TMC7: variants seen among roughly 807,000 people sequenced by gnomAD.
TMC7 encodes transmembrane channel like 7, also known as transmembrane channel-like protein 7.
TMC7 carries 54 observed loss-of-function variants against 82.9 expected under a neutral mutation model. The observed-to-expected ratio is 0.65, with a 90% confidence interval of 0.52 to 0.82. TMC7 has a LOEUF of 0.82. Among genes scored for constraint, TMC7 ranks in the 40% least tolerant of loss-of-function variants. The pLI is 0.00. For missense variants in TMC7, 820 were observed against 901.2 expected (o/e 0.91, Z 1.15); for synonymous variants, 350 against 337.9 (o/e 1.04, Z -0.39).
chr16:19,009,680 C>T (rs1438902877), intron 2 of TMC7, among the ~76,000 whole-genome samples: 1 of 152,104 alleles, frequency 6.6e-6, no homozygotes, highest in African/African-American at 2.4e-5. Context: ...TGGCTCACGC[C>T]TGTAATCCCA....
intron 6 of TMC7, among the ~76,000 whole-genome samples, chr16:19,032,219 T>C (rs7204704): frequency 0.92 from 140,409 of 152,182 alleles, 65,212 homozygotes; most frequent in Non-Finnish European, 0.97. Context: ...CAGGGTGCTG[T>C]GGATTGATCT....
intron 2 of TMC7, among the ~76,000 whole-genome samples, chr16:19,014,574 C>T (rs1959578453): frequency 6.6e-6 from 1 of 152,206 alleles, no homozygotes; most frequent in South Asian, 2.1e-4. Flanking sequence ...GCAAATTCCT[C>T]ATGTTTCCTC....
chr16:19,060,321 T>C (rs1382726091), intron 15 of TMC7, among the ~76,000 whole-genome samples: 1 of 151,932 alleles, frequency 6.6e-6, no homozygotes, highest in African/African-American at 2.4e-5. Flanking sequence ...CCTCCCACCT[T>C]AGCCTCCCAA....
intron 7 of TMC7, among the ~76,000 whole-genome samples, chr16:19,037,216 C>T (rs922796606): frequency 6.6e-6 from 1 of 151,190 alleles, no homozygotes; most frequent in Non-Finnish European, 1.5e-5. Flanking sequence ...GGTGAAACCC[C>T]GTCTCTACTA....
chr16:18,992,877 T>C (rs371811332), intron 1 of TMC7, among the ~76,000 whole-genome samples: 4 of 152,202 alleles, frequency 2.6e-5, no homozygotes, highest in African/African-American at 9.6e-5. Flanking sequence ...TTTCTTGTTA[T>C]TGTTAGGTTT....
intron 1 of TMC7, among the ~76,000 whole-genome samples, chr16:19,005,742 C>T (rs2039228133): frequency 6.6e-6 from 1 of 152,162 alleles, no homozygotes; most frequent in Non-Finnish European, 1.5e-5. Flanking sequence ...AGGAGGGTAG[C>T]CTCCATGCAG....
Position 19,061,924 on chromosome 16 carries a change from G to C in TMC7, c.*81G>C. The C allele has an allele frequency of 2.6e-6, 3 of 1,153,868 alleles. 1 individual carries two copies. In the South Asian group the frequency reaches 4.6e-5, roughly 18 times the overall value. 71.5% of individuals were successfully genotyped at this position (1,153,868 alleles called of 1,614,324 possible). On this transcript the variant is annotated 3_prime_UTR_variant, in exon 16 of 16. Coordinates refer to ENST00000304381, the MANE Select transcript of TMC7 (RefSeq NM_024847.4). ...CTGCTGAGCCTACAGAGTCTACCTG[G>C]GTTTTGAGTGGACATTTAAAAATAT...
chr16:18,984,238 C>CGGCG, intron 1 of TMC7, 108 bp downstream of exon 1: 21 of 1,354,118 alleles, frequency 1.6e-5, no homozygotes, highest in Non-Finnish European at 2.0e-5. Context: ...CTCCCACCCC[C>CGGCG]GACGCCGGGT....
At chr16:19,025,093 G>C (rs1186695881) in intron 5 of TMC7, among the ~76,000 whole-genome samples, 1 of 150,490 alleles carries the variant, frequency 6.6e-6, no homozygotes, top group Non-Finnish European at 1.5e-5. Flanking sequence ...GTTGTGTAGA[G>C]CTATCTGGTG....
chr16:19,023,460 T>A (rs569661309), intron 5 of TMC7, among the ~76,000 whole-genome samples: 33 of 152,188 alleles, frequency 2.2e-4, no homozygotes, highest in Non-Finnish European at 3.5e-4. Flanking sequence ...TATTATTATT[T>A]TTTTGAGATG....
At chr16:19,030,470 T>A in intron 6 of TMC7, 101 bp downstream of exon 6, 1 of 1,367,290 alleles carries the variant, frequency 7.3e-7, no homozygotes, top group Non-Finnish European at 9.8e-7. Flanking sequence ...ATGAGTGGAG[T>A]CCAATGATGG....
intron 15 of TMC7, chr16:19,059,697 G>C: frequency 6.5e-7 from 1 of 1,528,202 alleles, no homozygotes; most frequent in Non-Finnish European, 8.8e-7. Context: ...TGTATTAAGG[G>C]GGATGTGGTG....
In TMC7 at chr16:19,040,271, G is replaced by A; in HGVS notation, c.1180-18G>A. ...TTCCTCATATACTCCTGACTAATAA[G>A]TTTTGTTATCCTCCTAGGAAATCGA... On this transcript the variant is annotated intron_variant, in intron 8 of 15. Coordinates refer to ENST00000304381, the MANE Select transcript of TMC7 (RefSeq NM_024847.4). 1 of 1,609,062 alleles carries A rather than the reference G, an allele frequency of 6.2e-7. No individual in the cohort carries two copies. The highest frequency in any genetic ancestry group is 8.5e-7 in the Non-Finnish European group (1 of 1,177,750).
chr16:19,038,647 G>A (rs1960868832), intron 8 of TMC7, among the ~76,000 whole-genome samples: 2 of 152,092 alleles, frequency 1.3e-5, no homozygotes, highest in Admixed American at 1.3e-4. Context: ...CTCCCTAGTA[G>A]CTGGCATTAC....
chr16:19,039,091 TC>T (rs1318042600), intron 8 of TMC7, among the ~76,000 whole-genome samples: 3 of 131,680 alleles, frequency 2.3e-5, no homozygotes, highest in Non-Finnish European at 4.9e-5. Context: ...CTTTCTTTTT[TC>T]TTTTTTTTTT....
intron 12 of TMC7, among the ~76,000 whole-genome samples, chr16:19,051,402 C>T (rs12923441): frequency 6.7e-6 from 1 of 148,738 alleles, no homozygotes; most frequent in Non-Finnish European, 1.5e-5. Context: ...TCCCTCCCCC[C>T]TCCCCCCACA....
In TMC7 at chr16:19,058,842, T is replaced by C. The variant is rs974023885; in HGVS notation, c.2028-574T>C. Among the ~76,000 whole-genome samples the C allele has an allele frequency of 2.0e-5, 3 of 152,090 alleles. No homozygotes were observed. In the East Asian group the frequency reaches 5.8e-4, roughly 29 times the overall value. On this transcript the variant is annotated intron_variant, in intron 14 of 15. Coordinates refer to ENST00000304381, the MANE Select transcript of TMC7 (RefSeq NM_024847.4). ...CTTAGCTTCCTGAGTAGCTGGGGAC[T>C]ACAGGCTCACGCCACCATGTCTGGC... is the stretch of plus-strand genomic sequence containing the variant.
At chr16:18,996,915 T>C (rs1039006158) in intron 1 of TMC7, among the ~76,000 whole-genome samples, 3 of 152,250 alleles carry the variant, frequency 2.0e-5, no homozygotes, top group African/African-American at 7.2e-5. Flanking sequence ...CCCAAGTCCA[T>C]GACTAGCGCC....
intron 6 of TMC7, among the ~76,000 whole-genome samples, chr16:19,031,625 C>T (rs779686549): frequency 6.6e-6 from 1 of 152,060 alleles, no homozygotes; most frequent in Admixed American, 6.6e-5. Flanking sequence ...GAGCCAAGAT[C>T]GTACCACTGC....
Sources: gnomAD v4.1 joint callset for allele counts (sites outside exome capture counted in the v4.1 genomes callset) on GRCh38, gnomAD v4.1.1 for gene constraint, MANE v1.5 for transcripts, NCBI Gene and HGNC (gene_info 2026-07-23, HGNC 2026-07-21) for gene names.